ZNF425: variants seen among roughly 807,000 people sequenced by gnomAD.
The protein encoded by ZNF425 is zinc finger protein 425.
A neutral mutation model predicts 17.0 loss-of-function variants in ZNF425; 21 were observed. The observed-to-expected ratio is 1.23, with a 90% CI of 0.88 to 1.78. The LOEUF is 1.78. ZNF425 is among the 40% of genes most tolerant of loss of function. The pLI is 0.00. For missense variants in ZNF425, 868 were observed against 967.3 expected (o/e 0.90, Z 1.36); for synonymous variants, 433 against 384.1 (o/e 1.13, Z -1.49).
Position 149,105,028 on chromosome 7 carries a change from C to G in ZNF425, c.843G>C (p.Lys281Asn). ...QRPYPCPECDKTFRYRANLKK... is the reference protein window; with the variant it reads ...QRPYPCPECDNTFRYRANLKK... ...TCAGGTTGGCCCTGTACCGGAAGGT[C>G]TTGTCGCACTCAGGGCATGGGTAGG... Residue 281 changes from lysine to asparagine, a missense_variant, in exon 4 of 4, where the codon AAG (lysine) becomes AAC (asparagine). Transcript: ENST00000378061. 1 of 1,614,220 alleles carries G rather than the reference C, an allele frequency of 6.2e-7. No individual in the cohort carries two copies. Among genetic ancestry groups the G allele is most frequent in the South Asian group, 1.1e-5 (1 of 91,082 alleles).
rs777120036 is a variant in ZNF425, at chr7:149,104,980, G to C, written c.891C>G (p.Arg297=). 2 of 1,614,160 alleles carry C rather than the reference G, an allele frequency of 1.2e-6. No homozygotes were observed. The highest frequency in any genetic ancestry group is 2.2e-5 in the South Asian group (2 of 91,088). ...CCCCGCAGCAGAACGGCCGCTCCCCGCGGTGTAGACACAGGTGCTTCTTCA... is the reference window on the plus strand; with the variant it reads ...CCCCGCAGCAGAACGGCCGCTCCCCCCGGTGTAGACACAGGTGCTTCTTCA... ...ANLKKHLCLH[R]GERPFCCGEC... The change falls in exon 4 of 4, where the codon CGC becomes CGG. Residue 297 remains arginine, a synonymous_variant. Transcript: ENST00000378061. This position sits in a 1 kb window ranked among gnomAD's most constrained non-coding sequence, Gnocchi z 4.3.
chr7:149,111,160 T>C (rs182589737), intron 3 of ZNF425, among the ~76,000 whole-genome samples: 14 of 151,546 alleles, frequency 9.2e-5, no homozygotes, highest in Non-Finnish European at 5.9e-5. Context: ...AAATAACATA[T>C]ATCACCACAC....
At chr7:149,116,623 C>T (rs1458388077) in intron 2 of ZNF425, among the ~76,000 whole-genome samples, 2 of 152,096 alleles carry the variant, frequency 1.3e-5, no homozygotes, top group African/African-American at 4.8e-5. Context: ...CCCAAGTAAC[C>T]ATTTTAAAAG....
chr7:149,107,312 GATTTATTTATTT>G (rs915413085), intron 3 of ZNF425, among the ~76,000 whole-genome samples: 13 of 147,278 alleles, frequency 8.8e-5, no homozygotes, highest in Admixed American at 2.0e-4. Flanking sequence ...TTATAAGAAT[GATTTATTTATTT>G]ATTTATTTAT....
intron 2 of ZNF425, 43 bp downstream of exon 2, chr7:149,118,179 T>G (rs1163634100): frequency 3.7e-6 from 6 of 1,612,984 alleles, no homozygotes; most frequent in African/African-American, 1.3e-5. Context: ...CTGGTACTAT[T>G]AGGTTGGTTC....
intron 1 of ZNF425, 157 bp downstream of exon 1, chr7:149,126,039 C>T: frequency 7.0e-6 from 10 of 1,432,790 alleles, no homozygotes; most frequent in Non-Finnish European, 9.6e-6. Flanking sequence ...AGCAAGACTG[C>T]ACCTTCTCCA....
chr7:149,103,311 G>A lies in ZNF425; in HGVS notation c.*301C>T. 1 of 315,912 alleles carries A rather than the reference G, an allele frequency of 3.2e-6. No homozygotes were observed. Among genetic ancestry groups the A allele is most frequent in the South Asian group, 5.4e-5 (1 of 18,634 alleles). The allele number at this position is 315,912 out of a possible 1,614,324, so 19.6% of individuals were successfully genotyped here. A position where few individuals can be genotyped will look rare whatever the true frequency, so the allele number is the denominator to read the frequency against. On this transcript the variant is annotated 3_prime_UTR_variant, in exon 4 of 4. Transcript: ENST00000378061. ...GGCTCACTGCAGCCTCTGCCTCCTGGGCTCAAGCGATCCTCCTGCCTCAAC... is the reference window on the plus strand; with the variant it reads ...GGCTCACTGCAGCCTCTGCCTCCTGAGCTCAAGCGATCCTCCTGCCTCAAC...
At chr7:149,125,174 A>G (rs4727019) in intron 1 of ZNF425, among the ~76,000 whole-genome samples, 90,580 of 152,014 alleles carry the variant, frequency 0.6, 28,434 homozygotes, top group East Asian at 0.9. Context: ...AGGAGTGGGA[A>G]GCAAAAGGGA....
rs761359714 is a variant in ZNF425, at chr7:149,126,143, C to A, written c.18+53G>T. The A allele has an allele frequency of 1.9e-6, 3 of 1,612,174 alleles. No individual in the cohort carries two copies. In the South Asian group the frequency reaches 3.3e-5, roughly 18 times the overall value. ...CTGGACGCGGACCCCAATCCAGCTGCGACAGGGACCCGAGTTTCGACAGAG... is the reference window on the plus strand; with the variant it reads ...CTGGACGCGGACCCCAATCCAGCTGAGACAGGGACCCGAGTTTCGACAGAG... On this transcript the variant is annotated intron_variant, in intron 1 of 3. Coordinates refer to ENST00000378061, the MANE Select transcript of ZNF425 (RefSeq NM_001001661.3).
intron 2 of ZNF425, among the ~76,000 whole-genome samples, chr7:149,112,741 T>C (rs1826194430): frequency 6.6e-6 from 1 of 152,158 alleles, no homozygotes; most frequent in East Asian, 1.9e-4. Context: ...TCTTGGCTCA[T>C]TGCAACCTCT....
At chr7:149,111,095 A>G (rs984772500) in intron 3 of ZNF425, among the ~76,000 whole-genome samples, 1 of 151,626 alleles carries the variant, frequency 6.6e-6, no homozygotes, top group African/African-American at 2.4e-5. Flanking sequence ...ACGCCCGGCC[A>G]TCCCTTGCCC....
chr7:149,108,707 C>G (rs1258193199), intron 3 of ZNF425, among the ~76,000 whole-genome samples: 1 of 152,072 alleles, frequency 6.6e-6, no homozygotes, highest in African/African-American at 2.4e-5. Flanking sequence ...TCCTGGCTAA[C>G]ACGGTGAAAC....
intron 1 of ZNF425, among the ~76,000 whole-genome samples, chr7:149,121,535 G>A (rs973906732): frequency 1.1e-4 from 17 of 151,992 alleles, no homozygotes; most frequent in African/African-American, 3.6e-4. Flanking sequence ...GGAACTGCAG[G>A]CGTGCCCCAC....
intron 3 of ZNF425, among the ~76,000 whole-genome samples, chr7:149,110,235 T>G (rs1041926954): frequency 1.3e-5 from 2 of 151,922 alleles, no homozygotes; most frequent in African/African-American, 4.8e-5. Flanking sequence ...CAAAGTCTCC[T>G]GCTTCAGAGG....
chr7:149,114,931 C>CTTTTTT (rs35954198), intron 2 of ZNF425, among the ~76,000 whole-genome samples: 159 of 100,994 alleles, frequency 1.6e-3, no homozygotes, highest in Middle Eastern at 5.1e-3. Context: ...TCTTTCTTTT[C>CTTTTTT]TTTTTTTTTT....
At position 149,126,292 on chromosome 7, in the gene ZNF425, T is replaced by C; in HGVS notation, c.-79A>G. On this transcript the variant is annotated 5_prime_UTR_variant, in exon 1 of 4. Transcript: ENST00000378061. ...CCAACCCAACTCCCAGGTACAGCCC[T>C]GCTGGCCCCCAAAGGCAGAGCCGGC... 1 of 1,548,406 alleles carries C rather than the reference T, an allele frequency of 6.5e-7. No homozygotes were observed.
rs1826339402 is a variant in ZNF425, at chr7:149,120,910, CA to C, written c.19-2563del. ...TTGGTTTTAACTTTTTGGATATTAA[CA>C]AAAGAGCTGTTATGGACAATCATGT... is the stretch of plus-strand genomic sequence containing the variant. On this transcript the variant is annotated intron_variant, in intron 1 of 3. Transcript: ENST00000378061. Among the ~76,000 whole-genome samples, 9 of 152,164 alleles carry C rather than the reference CA, an allele frequency of 5.9e-5. No individual in the cohort carries two copies. In the South Asian group the frequency reaches 1.9e-3, roughly 32 times the overall value.
intron 1 of ZNF425, among the ~76,000 whole-genome samples, chr7:149,122,258 T>G (rs113945833): frequency 0.036 from 5,441 of 151,620 alleles, 317 homozygotes; most frequent in African/African-American, 0.12. Context: ...CTAATTGGAT[T>G]TTTTTTTAAC....
chr7:149,109,138 C>T lies in ZNF425; in HGVS notation c.304+2999G>A, dbSNP rs542043988. Among the ~76,000 whole-genome samples the T allele has an allele frequency of 5.2e-4, 77 of 147,918 alleles. 1 individual carries two copies. Among genetic ancestry groups the T allele is most frequent in the Non-Finnish European group, 1.0e-3 (68 of 67,444 alleles). ...CTGTTGCCAGGCTGGAGTGCAGTGG[C>T]GCGATCTTGGCTCACTGCAACCTCC... On this transcript the variant is annotated intron_variant, in intron 3 of 3. Coordinates refer to ENST00000378061, the MANE Select transcript of ZNF425 (RefSeq NM_001001661.3).
Sources: allele counts gnomAD v4.1 joint callset (sites outside exome capture counted in the v4.1 genomes callset), GRCh38; gene constraint gnomAD v4.1.1; non-coding constraint Gnocchi (gnomAD v3.1); transcripts MANE v1.5; gene names NCBI Gene and HGNC (gene_info 2026-07-23, HGNC 2026-07-21).